Variants in MARCHF2 observed in about 807,000 individuals in gnomAD.
The protein encoded by MARCHF2 is E3 ubiquitin-protein ligase MARCHF2.
Under a neutral mutation model 24.0 loss-of-function variants are expected in MARCHF2, and 22 were observed. That is an observed-to-expected ratio of 0.92 (90% CI 0.66 to 1.31). The LOEUF is 1.31. Ranked by LOEUF, MARCHF2 falls within the 50% of genes most tolerant of loss-of-function variation. The probability of loss-of-function intolerance (pLI) is 0.00; values close to 1 mark genes in which losing one functional copy is unlikely to be tolerated. For synonymous variants in MARCHF2, 154 were observed against 153.0 expected, an observed-to-expected ratio of 1.01 and a Z score of -0.05; for missense variants, 301 against 335.3, an observed-to-expected ratio of 0.90 and a Z score of 0.80.
At chr19:8,436,137 CTATT>C (rs1484790915) in intron 4 of MARCHF2, among the ~76,000 whole-genome samples, 1 of 151,314 alleles carries the variant, frequency 6.6e-6, no homozygotes, top group Non-Finnish European at 1.5e-5. Flanking sequence ...CATGTATTCA[CTATT>C]TTTTTTTTTG....
intron 4 of MARCHF2, among the ~76,000 whole-genome samples, chr19:8,435,828 CTGTG>C (rs35027764): frequency 0.2 from 27,624 of 140,932 alleles, 2,814 homozygotes; most frequent in African/African-American, 0.26. Context: ...TGCACCTGGC[CTGTG>C]TGTGTGTGTG....
chr19:8,416,429 C>T (rs1358400368), intron 1 of MARCHF2, among the ~76,000 whole-genome samples: 1 of 151,384 alleles, frequency 6.6e-6, no homozygotes, highest in African/African-American at 2.4e-5. Context: ...CTGGGGACAG[C>T]GGGAGGCAAT....
At chr19:8,420,535 C>CAAAA (rs767779814) in intron 1 of MARCHF2, among the ~76,000 whole-genome samples, 1 of 66,776 alleles carries the variant, frequency 1.5e-5, no homozygotes, top group Non-Finnish European at 3.4e-5. Context: ...AACTCTGTCT[C>CAAAA]AAAAAAAAAA....
chr19:8,417,748 C>CTTT (rs71175853), intron 1 of MARCHF2, among the ~76,000 whole-genome samples: 6 of 26,870 alleles, frequency 2.2e-4, no homozygotes, highest in African/African-American at 6.0e-4. Context: ...AATACCCTGT[C>CTTT]TTTTTTTTTT....
rs368189928 is a variant in MARCHF2 at position 8,430,642 on chromosome 19, A to G, written c.373-16A>G. The G allele has an allele frequency of 1.1e-5, 17 of 1,601,664 alleles. No homozygotes were observed. The highest frequency in any genetic ancestry group is 3.3e-5 in the Admixed American group (2 of 59,856). ...CTCTGCCCCCTCTCCTCTGCCCCCT[A>G]TCCTCTCCCCTGCAGTGGCTGAAGG... On this transcript the variant is annotated splice_polypyrimidine_tract_variant and intron_variant, in intron 3 of 4. Transcript: ENST00000215555. This position sits in a 1 kb window ranked among gnomAD's most constrained non-coding sequence, Gnocchi z 4.4.
intron 1 of MARCHF2, 61 bp downstream of exon 1, chr19:8,413,481 G>A (rs1334208553): frequency 6.6e-6 from 1 of 152,138 alleles, no homozygotes; most frequent in Non-Finnish European, 1.5e-5. Context: ...CCCCGGGTTC[G>A]AGGCCGGAGC....
Position 8,435,081 on chromosome 19 carries a change from C to T in MARCHF2, c.583-3307C>T, listed in dbSNP as rs372147657. Among the ~76,000 whole-genome samples, 16 of 148,144 alleles carry T rather than the reference C, an allele frequency of 1.1e-4. No homozygotes were observed. The East Asian group carries it at 1.6e-3, about 15-fold the overall frequency. On this transcript the variant is annotated intron_variant, in intron 4 of 4. Transcript: ENST00000215555. ...GTCACCAGGCTAGAGTGTAGTGACG[C>T]GATCTTGGCTCACTGCAACTTCTGC...
intron 4 of MARCHF2, among the ~76,000 whole-genome samples, chr19:8,434,069 C>T (rs1014934313): frequency 6.7e-6 from 1 of 149,502 alleles, no homozygotes; most frequent in African/African-American, 2.4e-5. Flanking sequence ...TTCAATGAAC[C>T]TACCAGCATT....
chr19:8,421,705 AC>A, intron 1 of MARCHF2, 83 bp from the exon 2 acceptor site: 1 of 700,496 alleles, frequency 1.4e-6, no homozygotes, highest in Non-Finnish European at 2.3e-6. Context: ...AGTGGTCCCT[AC>A]AGCCTTGACA....
At chr19:8,417,587 G>A (rs975469564) in intron 1 of MARCHF2, among the ~76,000 whole-genome samples, 3 of 151,830 alleles carry the variant, frequency 2.0e-5, no homozygotes, top group African/African-American at 7.3e-5. Flanking sequence ...ACAGTTGCCC[G>A]CCACCATGCC....
intron 3 of MARCHF2, among the ~76,000 whole-genome samples, chr19:8,429,747 A>G (rs1020648273): frequency 4.8e-5 from 6 of 126,084 alleles, no homozygotes; most frequent in Non-Finnish European, 6.6e-5. Flanking sequence ...CAAGTGATCC[A>G]CCCACTTTGG....
chr19:8,435,635 C>A (rs2145572576), intron 4 of MARCHF2, among the ~76,000 whole-genome samples: 1 of 152,086 alleles, frequency 6.6e-6, no homozygotes, highest in Non-Finnish European at 1.5e-5. Flanking sequence ...ACCTCCTGGG[C>A]TCAAGCGATC....
At chr19:8,431,429 G>T (rs528305926) in intron 4 of MARCHF2, among the ~76,000 whole-genome samples, 160 of 131,560 alleles carry the variant, frequency 1.2e-3, no homozygotes, top group Admixed American at 3.1e-3. Context: ...CTCGGGAGGC[G>T]GAGGTTGCAG....
At chr19:8,417,152 G>A (rs898785159) in intron 1 of MARCHF2, among the ~76,000 whole-genome samples, 2 of 150,286 alleles carry the variant, frequency 1.3e-5, no homozygotes, top group African/African-American at 4.9e-5. Flanking sequence ...TTGCAGAAAT[G>A]TAAAGACCAG....
At chr19:8,419,651 C>T (rs1249703512) in intron 1 of MARCHF2, among the ~76,000 whole-genome samples, 2 of 147,522 alleles carry the variant, frequency 1.4e-5, no homozygotes, top group Non-Finnish European at 3.0e-5. Context: ...CCCGTCTCTA[C>T]TAAAAATAGA....
At chr19:8,438,234 G>A (rs1229122565) in intron 4 of MARCHF2, among the ~76,000 whole-genome samples, 154 bp from the exon 5 acceptor site, 1 of 152,142 alleles carries the variant, frequency 6.6e-6, no homozygotes, top group Non-Finnish European at 1.5e-5. Flanking sequence ...GGGTCTGTGT[G>A]TGTGCACTTT....
At chr19:8,436,771 A>C (rs1409331468) in intron 4 of MARCHF2, among the ~76,000 whole-genome samples, 1 of 124,574 alleles carries the variant, frequency 8.0e-6, no homozygotes, top group African/African-American at 3.1e-5. Context: ...CAGCCTCCGC[A>C]CCCCTCCCCC....
At chr19:8,417,979 G>A (rs987081535) in intron 1 of MARCHF2, among the ~76,000 whole-genome samples, 3 of 148,878 alleles carry the variant, frequency 2.0e-5, no homozygotes, top group Non-Finnish European at 4.4e-5. Flanking sequence ...GGTCAGGCTC[G>A]TCTTGAACTC....
rs560560592 is a variant in MARCHF2, at chr19:8,421,946, T to G, written c.106T>G (p.Tyr36Asp). Residue 36 changes from tyrosine to aspartate, a missense_variant, in exon 2 of 5, where the codon TAT becomes GAT. Physicochemically the swap from Tyr to Asp is radical, Grantham distance 160. Transcript: ENST00000215555. ...GGCTACGGGCCTCGGACCGCCCCAG[T>G]ATGTGGCACAGGTGACTTCAAGGGA... is the stretch of plus-strand genomic sequence containing the variant. ...VEATGLGPPQYVAQVTSRDGR... is the reference protein window; with the variant it reads ...VEATGLGPPQDVAQVTSRDGR... 1.2e-6 allele frequency: 2 copies of G among 1,613,722 alleles called. No homozygotes were observed. The highest frequency in any genetic ancestry group is 1.3e-5 in the African/African-American group (1 of 75,022).
Sources: gnomAD v4.1 joint callset for allele counts (sites outside exome capture counted in the v4.1 genomes callset) on GRCh38, gnomAD v4.1.1 for gene constraint, Gnocchi (gnomAD v3.1) non-coding constraint, MANE v1.5 for transcripts, NCBI Gene and HGNC (gene_info 2026-07-23, HGNC 2026-07-21) for gene names.